Variants in RBM38 observed in about 807,000 individuals in gnomAD.
RBM38 encodes the protein RNA binding motif protein 38.
RBM38 carries 11 observed loss-of-function variants against 23.5 expected under a neutral mutation model. The ratio of observed to expected loss-of-function variants is 0.47; its 90% CI spans 0.29 to 0.77. The LOEUF is 0.77. RBM38 is among the 30% of genes least tolerant of loss of function. RBM38 has a pLI of 0.08. For missense variants in RBM38, 330 were observed against 351.9 expected, an observed-to-expected ratio of 0.94 and a Z score of 0.50; for synonymous variants, 165 against 166.1, an observed-to-expected ratio of 0.99 and a Z score of 0.05.
At position 57,409,219 on chromosome 20, in the gene RBM38, G is replaced by T; in HGVS notation, c.*1373G>T. The T allele has an allele frequency of 6.5e-6, 1 of 152,798 alleles. No individual in the cohort carries two copies. The allele number at this position is 152,798 out of a possible 1,614,324, so 9.5% of individuals were successfully genotyped here. On this transcript the variant is annotated 3_prime_UTR_variant, in exon 4 of 4. Transcript: ENST00000356208. Reference sequence around the variant, plus strand: ...GGGAGCTGAGCGTGCAGGCGCTCCAGGGCAGGCCTGGGACAGAGTCAAGGC... The same window carrying T: ...GGGAGCTGAGCGTGCAGGCGCTCCATGGCAGGCCTGGGACAGAGTCAAGGC...
At chr20:57,395,014 C>T (rs986074277) in intron 3 of RBM38, among the ~76,000 whole-genome samples, 2 of 152,226 alleles carry the variant, frequency 1.3e-5, no homozygotes, top group Non-Finnish European at 2.9e-5. Context: ...TGCCCCTTAC[C>T]AGCTGGGTCT....
At chr20:57,404,506 C>T (rs536548618) in intron 3 of RBM38, among the ~76,000 whole-genome samples, 1 of 152,346 alleles carries the variant, frequency 6.6e-6, no homozygotes, top group South Asian at 2.1e-4. Context: ...GCCTGCTGGG[C>T]ACAGCCCCAA....
chr20:57,407,451 T>TG lies in RBM38; in HGVS notation c.417-86dup, dbSNP rs2067397703. 13 of 1,387,388 alleles carry TG rather than the reference T, an allele frequency of 9.4e-6. No individual in the cohort carries two copies. The highest frequency in any genetic ancestry group is 6.3e-5 in the Admixed American group (3 of 47,906). 85.9% of individuals were successfully genotyped at this position (1,387,388 alleles called of 1,614,324 possible). A position where few individuals can be genotyped will look rare whatever the true frequency, so the allele number is the denominator to read the frequency against. ...CGATGAGGAAAGTCGGGGCTCGGGGTGGGGGGCGGCACGCATCGTGTACCC... is the reference window on the plus strand; with the variant it reads ...CGATGAGGAAAGTCGGGGCTCGGGGTGGGGGGGCGGCACGCATCGTGTACCC... On this transcript the variant is annotated intron_variant, in intron 3 of 3. Transcript: ENST00000356208. The surrounding 1 kb of genome is among the most constrained non-coding windows in gnomAD (Gnocchi z 4.0).
rs1272752251 is a variant in RBM38 at position 57,391,421 on chromosome 20, G to GAGCGCAGCGC, written c.-160_-151dup. ...GCAGAGTCCCCGCAGCGCCGGTCGG[G>GAGCGCAGCGC]AGCGCAGCGCGGCGCACGTCGGCGC... is the stretch of plus-strand genomic sequence containing the variant. On this transcript the variant is annotated 5_prime_UTR_variant, in exon 1 of 4. Transcript: ENST00000356208. 1 of 147,706 alleles carries GAGCGCAGCGC rather than the reference G, an allele frequency of 6.8e-6. No homozygotes were observed. The highest frequency in any genetic ancestry group is 1.5e-5 in the Non-Finnish European group (1 of 67,152). The allele number at this position is 147,706 out of a possible 1,614,324, so 9.1% of individuals were successfully genotyped here. A position where few individuals can be genotyped will look rare whatever the true frequency, so the allele number is the denominator to read the frequency against.
intron 3 of RBM38, among the ~76,000 whole-genome samples, chr20:57,400,137 G>C (rs2067312977): frequency 6.6e-6 from 1 of 152,224 alleles, no homozygotes; most frequent in Non-Finnish European, 1.5e-5. Context: ...TTAGTTTACA[G>C]ATGGGGAAAC....
chr20:57,400,939 G>A (rs117687738), intron 3 of RBM38, among the ~76,000 whole-genome samples: 2 of 152,316 alleles, frequency 1.3e-5, no homozygotes, highest in Non-Finnish European at 2.9e-5. Context: ...AGCAGCGGCC[G>A]TACAGAGGGC....
rs1278560340 is a variant in RBM38, at chr20:57,408,178, C to T, written c.*332C>T. 2.6e-5 allele frequency: 11 copies of T among 430,724 alleles called. No individual in the cohort carries two copies. The Admixed American group carries it at 3.9e-4, about 15-fold the overall frequency. The allele number at this position is 430,724 out of a possible 1,614,324, so 26.7% of individuals were successfully genotyped here. A position where few individuals can be genotyped will look rare whatever the true frequency, so the allele number is the denominator to read the frequency against. On this transcript the variant is annotated 3_prime_UTR_variant, in exon 4 of 4. Transcript: ENST00000356208. ...ACTCCAGGTTCCCTCAGGCTTGTGT[C>T]CCCACTGCTGCATCGTGGCGGGGTG...
intron 3 of RBM38, among the ~76,000 whole-genome samples, chr20:57,395,860 G>A (rs982516744): frequency 1.5e-4 from 23 of 152,188 alleles, no homozygotes; most frequent in Non-Finnish European, 1.5e-5. Context: ...TGACTCAGCG[G>A]CCAGTTTTGT....
chr20:57,401,110 G>A (rs1433009581), intron 3 of RBM38, among the ~76,000 whole-genome samples: 1 of 152,242 alleles, frequency 6.6e-6, no homozygotes, highest in Non-Finnish European at 1.5e-5. Flanking sequence ...GCTCACCAAG[G>A]GTTCTTGGCT....
intron 3 of RBM38, among the ~76,000 whole-genome samples, chr20:57,403,252 C>T (rs2067347631): frequency 1.3e-5 from 2 of 152,238 alleles, no homozygotes; most frequent in African/African-American, 4.8e-5. Context: ...ACCCAACTTA[C>T]AGATGAGGAA....
At chr20:57,406,520 C>T (rs1403196777) in intron 3 of RBM38, among the ~76,000 whole-genome samples, 1 of 152,142 alleles carries the variant, frequency 6.6e-6, no homozygotes, top group African/African-American at 2.4e-5. Context: ...GACGGGGTGA[C>T]GCACCCAGTC....
intron 3 of RBM38, among the ~76,000 whole-genome samples, chr20:57,402,845 C>G (rs866323411): frequency 1.4e-4 from 21 of 152,382 alleles, no homozygotes; most frequent in African/African-American, 4.3e-4. Context: ...TCTCTTTGCT[C>G]CCACCTGCCT....
At chr20:57,396,660 G>A (rs969279324) in intron 3 of RBM38, among the ~76,000 whole-genome samples, 4 of 152,206 alleles carry the variant, frequency 2.6e-5, no homozygotes, top group Admixed American at 2.0e-4. Context: ...TTTGAAGGGG[G>A]TGGAATATCC....
intron 2 of RBM38, 21 bp from the exon 3 acceptor site, chr20:57,393,258 C>T (rs2067239699): frequency 1.2e-6 from 2 of 1,612,932 alleles, no homozygotes; most frequent in South Asian, 2.2e-5. Context: ...GGCCAAGTCC[C>T]TGATTGTTCT....
intron 3 of RBM38, among the ~76,000 whole-genome samples, chr20:57,405,503 G>T (rs548295454): frequency 7.9e-5 from 12 of 152,228 alleles, no homozygotes; most frequent in African/African-American, 2.7e-4. Context: ...AGGGTTGGCC[G>T]TGTGGGCTGC....
At chr20:57,402,734 C>G (rs956155533) in intron 3 of RBM38, among the ~76,000 whole-genome samples, 3 of 152,270 alleles carry the variant, frequency 2.0e-5, no homozygotes, top group Non-Finnish European at 4.4e-5. Flanking sequence ...CGGGGCCGCC[C>G]TTGGACAGTG....
chr20:57,404,333 C>A (rs1280191306), intron 3 of RBM38, among the ~76,000 whole-genome samples: 2 of 152,272 alleles, frequency 1.3e-5, no homozygotes, highest in Non-Finnish European at 2.9e-5. Flanking sequence ...TGCATGGGAT[C>A]CACATTTTTA....
rs550973283 is a variant in RBM38 at position 57,408,437 on chromosome 20, G to C, written c.*591G>C. 15 of 152,968 alleles carry C rather than the reference G, an allele frequency of 9.8e-5. No homozygotes were observed. Among genetic ancestry groups the C allele is most frequent in the African/African-American group, 2.9e-4 (12 of 41,474 alleles). 9.5% of individuals were successfully genotyped at this position (152,968 alleles called of 1,614,324 possible). A position where few individuals can be genotyped will look rare whatever the true frequency, so the allele number is the denominator to read the frequency against. On this transcript the variant is annotated 3_prime_UTR_variant, in exon 4 of 4. Transcript: ENST00000356208. ...AGCTCCCAGGCGCACAGGGGCCGCC[G>C]GTAACAGGGGCCGCCGGCCAAAGGC...
At position 57,392,635 on chromosome 20, in the gene RBM38, T is replaced by G; in HGVS notation, c.238-19T>G. On this transcript the variant is annotated intron_variant, in intron 1 of 3. Transcript: ENST00000356208. ...TGGTTCCCCCCACGGCAGCCCCTGA[T>G]GTGTCTCTGCTCCACCAGGTGACCA... 1 of 1,606,780 alleles carries G rather than the reference T, an allele frequency of 6.2e-7. No individual in the cohort carries two copies. The highest frequency in any genetic ancestry group is 8.5e-7 in the Non-Finnish European group (1 of 1,177,288).
Sources: gnomAD v4.1 joint callset for allele counts (sites outside exome capture counted in the v4.1 genomes callset) on GRCh38, gnomAD v4.1.1 for gene constraint, Gnocchi (gnomAD v3.1) non-coding constraint, MANE v1.5 for transcripts, NCBI Gene and HGNC (gene_info 2026-07-23, HGNC 2026-07-21) for gene names.